THAP4: variants seen among roughly 807,000 people sequenced by gnomAD.
The protein encoded by THAP4 is THAP domain containing 4.
A neutral mutation model predicts 48.1 loss-of-function variants in THAP4; 18 were observed. That is an observed-to-expected ratio of 0.37 (90% confidence interval 0.26 to 0.56). The LOEUF (loss-of-function observed/expected upper bound fraction) is 0.56, where lower values mean the gene tolerates loss of function less well. Among genes scored for constraint, THAP4 ranks in the 20% least tolerant of loss-of-function variants. The pLI, the probability that THAP4 is intolerant of heterozygous loss-of-function variation, is 0.78. For missense variants in THAP4, 656 were observed against 774.9 expected (o/e 0.85, Z 1.82); for synonymous variants, 345 against 324.9 (o/e 1.06, Z -0.66).
rs936191172 is a variant in THAP4 at position 241,612,743 on chromosome 2, T to C, written c.1241-6270A>G. ...TCTACAGAGACAGAACGTGGGTCAG[T>C]GTTTCTCCACAGCTGCGTTCTGTGG... is the stretch of plus-strand genomic sequence containing the variant. On this transcript the variant is annotated intron_variant, in intron 2 of 5. Coordinates refer to ENST00000407315, the MANE Select transcript of THAP4 (RefSeq NM_015963.6). This position sits in a 1 kb window ranked among gnomAD's most constrained non-coding sequence, Gnocchi z 4.1. Among the ~76,000 whole-genome samples the C allele has an allele frequency of 2.0e-5, 3 of 152,208 alleles. No individual in the cohort carries two copies. The highest frequency in any genetic ancestry group is 7.2e-5 in the African/African-American group (3 of 41,460).
chr2:241,630,406 G>T (rs989355096), intron 2 of THAP4, among the ~76,000 whole-genome samples: 1 of 152,262 alleles, frequency 6.6e-6, no homozygotes, highest in African/African-American at 2.4e-5. Flanking sequence ...AGACACGAAG[G>T]GCTGGCTGTT....
chr2:241,600,454 G>A (rs928250833), intron 5 of THAP4, among the ~76,000 whole-genome samples: 6 of 151,972 alleles, frequency 3.9e-5, no homozygotes, highest in African/African-American at 1.2e-4. Context: ...CAGGCTGGGC[G>A]CGGTGGCTCA....
At chr2:241,615,978 T>G (rs909311819) in intron 2 of THAP4, among the ~76,000 whole-genome samples, 1 of 152,122 alleles carries the variant, frequency 6.6e-6, no homozygotes, top group Non-Finnish European at 1.5e-5. Flanking sequence ...AGGGCGCCCA[T>G]GGGGACACAC....
At chr2:241,599,327 G>A (rs751241217) in intron 5 of THAP4, among the ~76,000 whole-genome samples, 2 of 151,594 alleles carry the variant, frequency 1.3e-5, no homozygotes, top group Non-Finnish European at 2.9e-5. Flanking sequence ...GTGACACACA[G>A]AACTATTTCC....
chr2:241,621,849 C>G (rs1363246762), intron 2 of THAP4, among the ~76,000 whole-genome samples: 1 of 151,728 alleles, frequency 6.6e-6, no homozygotes, highest in African/African-American at 2.4e-5. Context: ...CTGCAGAAAA[C>G]CAAAGACTAA....
At chr2:241,617,417 C>T (rs746704767) in intron 2 of THAP4, 28 of 1,550,276 alleles carry the variant, frequency 1.8e-5, no homozygotes, top group Non-Finnish European at 2.4e-5. Flanking sequence ...CTTACCCATC[C>T]CTAAGTTTTC....
At chr2:241,590,928 T>G (rs35459657) in intron 5 of THAP4, among the ~76,000 whole-genome samples, 60 of 130,362 alleles carry the variant, frequency 4.6e-4, no homozygotes, top group South Asian at 4.7e-4. Context: ...CTGACGATGA[T>G]GGGCACTAGG....
rs949075512 is a variant in THAP4 at position 241,612,015 on chromosome 2, G to A, written c.1241-5542C>T. ...CCACTGGGGCTCAAGTGATTCTCCC[G>A]CCTCAGCCTCCCGAGTAGTTGAATG... is the stretch of plus-strand genomic sequence containing the variant. On this transcript the variant is annotated intron_variant, in intron 2 of 5. Transcript: ENST00000407315. This position sits in a 1 kb window ranked among gnomAD's most constrained non-coding sequence, Gnocchi z 4.1. 2.6e-5 allele frequency among the ~76,000 whole-genome samples: 4 copies of A among 152,138 alleles called. No homozygotes were observed. Among genetic ancestry groups the A allele is most frequent in the African/African-American group, 9.7e-5 (4 of 41,420 alleles).
chr2:241,603,179 G>T (rs926743155), intron 3 of THAP4, 100 bp from the exon 4 acceptor site: 11 of 898,026 alleles, frequency 1.2e-5, no homozygotes, highest in African/African-American at 1.6e-5. Context: ...CCAGGTGGCT[G>T]CTCCAGCCAC....
At chr2:241,590,539 G>GA (rs1575016639) in intron 5 of THAP4, among the ~76,000 whole-genome samples, 1 of 76,712 alleles carries the variant, frequency 1.3e-5, no homozygotes, top group African/African-American at 5.4e-5. Context: ...GGCTGATGAT[G>GA]GGCACTAGGA....
At chr2:241,617,442 T>C in intron 2 of THAP4, 1 of 1,551,584 alleles carries the variant, frequency 6.4e-7, no homozygotes. Flanking sequence ...CTCCGGACAC[T>C]CGTCAAGGTT....
intron 5 of THAP4, among the ~76,000 whole-genome samples, chr2:241,586,082 C>T (rs549729237): frequency 9.3e-5 from 14 of 150,944 alleles, no homozygotes; most frequent in African/African-American, 2.7e-4. Context: ...GGTGAAACCC[C>T]GTCTCTACTA....
intron 2 of THAP4, among the ~76,000 whole-genome samples, chr2:241,607,266 C>T (rs1417696080): frequency 7.9e-5 from 12 of 152,166 alleles, no homozygotes; most frequent in African/African-American, 1.9e-4. Flanking sequence ...TTCTGCTGGG[C>T]GAACTCAAAG....
rs755162923 is a variant in THAP4 at position 241,633,483 on chromosome 2, C to A, written c.674G>T (p.Gly225Val). The A allele has an allele frequency of 6.2e-6, 10 of 1,613,950 alleles. No individual in the cohort carries two copies. The highest frequency in any genetic ancestry group is 1.3e-5 in the African/African-American group (1 of 74,922). Residue 225 changes from glycine (G) to valine (V), a missense_variant, in exon 2 of 6, where the codon GGA (glycine) becomes GTA (valine). Physicochemically the swap from Gly to Val is moderately radical, Grantham distance 109. Transcript: ENST00000407315. This position sits in a 1 kb window ranked among gnomAD's most constrained non-coding sequence, Gnocchi z 7.5. ...GCCGATAAATTTGCACGCCCCAGAT[C>A]CTGGGGGCGTAAAGTCATCCATAGA... is the stretch of plus-strand genomic sequence containing the variant. The part of the protein sequence containing the change: ...GISMDDFTPP[G>V]SGACKFIGSL...
intron 2 of THAP4, among the ~76,000 whole-genome samples, chr2:241,607,949 C>T (rs1465872479): frequency 6.9e-6 from 1 of 145,458 alleles, no homozygotes; most frequent in Non-Finnish European, 1.5e-5. Flanking sequence ...CCTCCAGGCC[C>T]GCAAAAGCAG....
intron 5 of THAP4, among the ~76,000 whole-genome samples, chr2:241,591,006 T>G (rs2066968573): frequency 1.3e-5 from 2 of 150,092 alleles, no homozygotes; most frequent in African/African-American, 2.5e-5. Context: ...CTGACAATAA[T>G]GGGCACTAGG....
chr2:241,636,978 G>A lies in THAP4; in HGVS notation c.40C>T (p.Gln14Ter). The change falls in exon 1 of 6, where the codon CAG (glutamine) becomes TAG (stop). Residue 14 changes from glutamine to a stop codon, truncating the protein, a stop_gained. Coordinates refer to ENST00000407315, the MANE Select transcript of THAP4 (RefSeq NM_015963.6). LOFTEE classifies it high-confidence loss of function. Reference protein sequence around the residue: ...CCAAVNCSNRQGKGEKRAVSF... With the variant: ...CCAAVNCSNR The stretch of plus-strand genomic sequence containing the variant: ...ACGGCGCGCTTCTCGCCCTTTCCCT[G>A]CCGGTTGGAGCAGTTCACGGCCGCA... 1 of 1,326,950 alleles carries A rather than the reference G, an allele frequency of 7.5e-7. No homozygotes were observed. The allele number at this position is 1,326,950 out of a possible 1,614,324, so 82.2% of individuals were successfully genotyped here. A position where few individuals can be genotyped will look rare whatever the true frequency, so the allele number is the denominator to read the frequency against.
At chr2:241,632,562 C>T (rs1344156172) in intron 2 of THAP4, among the ~76,000 whole-genome samples, 1 of 152,246 alleles carries the variant, frequency 6.6e-6, no homozygotes, top group Non-Finnish European at 1.5e-5. Context: ...TATTTTCCAT[C>T]TAGTTCCTAA....
chr2:241,597,870 C>T (rs899126713), intron 5 of THAP4, among the ~76,000 whole-genome samples: 4 of 152,052 alleles, frequency 2.6e-5, no homozygotes, highest in African/African-American at 4.8e-5. Flanking sequence ...GCCCAGGCTT[C>T]GCAACTCCAT....
Sources: gnomAD v4.1 joint callset for allele counts (sites outside exome capture counted in the v4.1 genomes callset) on GRCh38, gnomAD v4.1.1 for gene constraint, Gnocchi (gnomAD v3.1) non-coding constraint, MANE v1.5 for transcripts, NCBI Gene and HGNC (gene_info 2026-07-23, HGNC 2026-07-21) for gene names.